The following SUMF1 variants were observed in gnomAD, a reference collection of about 807,000 sequenced individuals.
SUMF1 encodes formylglycine-generating enzyme.
In SUMF1, 48 loss-of-function variants were observed where a neutral mutation model predicts 47.6. That is an observed-to-expected ratio of 1.01 (90% confidence interval 0.80 to 1.28). SUMF1 has a LOEUF of 1.28. Ranked by LOEUF, SUMF1 falls within the 50% of genes most tolerant of loss-of-function variation. The pLI is 0.00. For synonymous variants in SUMF1, 230 were observed against 192.1 expected, an observed-to-expected ratio of 1.20 and a Z score of -1.63; for missense variants, 571 against 485.4, an observed-to-expected ratio of 1.18 and a Z score of -1.66.
chr3:4,211,800 G>A (rs936156879), intron 8 of SUMF1, among the ~76,000 whole-genome samples: 2 of 152,182 alleles, frequency 1.3e-5, no homozygotes, highest in Non-Finnish European at 2.9e-5. Context: ...TATGCTCATA[G>A]TGTAAACAAA....
intron 9 of SUMF1, among the ~76,000 whole-genome samples, chr3:4,056,239 A>G (rs1415489601): frequency 6.6e-6 from 1 of 152,186 alleles, no homozygotes; most frequent in African/African-American, 2.4e-5. Flanking sequence ...CTGATCCCAA[A>G]AGATTCACAC....
chr3:4,188,816 T>C (rs534530448), intron 8 of SUMF1, among the ~76,000 whole-genome samples: 2 of 152,338 alleles, frequency 1.3e-5, no homozygotes, highest in South Asian at 4.1e-4. Context: ...ACATTTTGAA[T>C]AGTGCCTTGT....
At chr3:4,265,643 G>C (rs1426595653) in intron 8 of SUMF1, among the ~76,000 whole-genome samples, 1 of 151,752 alleles carries the variant, frequency 6.6e-6, no homozygotes, top group Admixed American at 6.6e-5. Context: ...TTTGTCAGAT[G>C]AGTAGGTTGC....
chr3:4,142,833 T>G (rs1685278303), intron 8 of SUMF1, among the ~76,000 whole-genome samples: 1 of 152,062 alleles, frequency 6.6e-6, no homozygotes, highest in South Asian at 2.1e-4. Flanking sequence ...AAGCCATCCA[T>G]GGACTCCAGG....
intron 8 of SUMF1, among the ~76,000 whole-genome samples, chr3:4,330,105 T>C (rs561205176): frequency 6.6e-6 from 1 of 152,310 alleles, no homozygotes; most frequent in East Asian, 1.9e-4. Flanking sequence ...GCCTGGACTT[T>C]ATTGTTCATA....
intron 8 of SUMF1, among the ~76,000 whole-genome samples, chr3:4,087,158 G>T (rs1242824802): frequency 1.3e-5 from 2 of 152,152 alleles, no homozygotes; most frequent in Admixed American, 1.3e-4. Context: ...TAAAGGTACT[G>T]GAAAGCCAAC....
At chr3:4,342,703 G>A (rs898742819) in intron 8 of SUMF1, among the ~76,000 whole-genome samples, 1 of 152,086 alleles carries the variant, frequency 6.6e-6, no homozygotes, top group Non-Finnish European at 1.5e-5. Flanking sequence ...TTATGTCAAG[G>A]GAGCATTTTT....
rs941927726 is a variant in SUMF1, at chr3:4,141,654, T to A, written c.1015-72909A>T. Among the ~76,000 whole-genome samples, 2 of 151,976 alleles carry A rather than the reference T, an allele frequency of 1.3e-5. 1 individual carries two copies. Among genetic ancestry groups the A allele is most frequent in the Non-Finnish European group, 2.9e-5 (2 of 68,016 alleles). Reference sequence around the variant, plus strand: ...CTCTACCCTGGGCAACAGAGCAAGATCCTGCTTCAAAGCCTCAAACAAACA... The same window carrying A: ...CTCTACCCTGGGCAACAGAGCAAGAACCTGCTTCAAAGCCTCAAACAAACA... On this transcript the variant is annotated intron_variant and NMD_transcript_variant, in intron 8 of 12. Coordinates refer to the SUMF1 transcript ENST00000448413.
intron 9 of SUMF1, among the ~76,000 whole-genome samples, chr3:4,034,891 G>A (rs1177782154): frequency 6.6e-6 from 1 of 151,854 alleles, no homozygotes; most frequent in Non-Finnish European, 1.5e-5. Flanking sequence ...GACTAAACTT[G>A]ACAATGAGAT....
At chr3:4,225,403 T>A (rs572171080) in intron 8 of SUMF1, among the ~76,000 whole-genome samples, 2 of 152,278 alleles carry the variant, frequency 1.3e-5, no homozygotes, top group African/African-American at 4.8e-5. Context: ...CTATTACTGT[T>A]TAAGCATTCA....
chr3:4,319,022 A>G (rs898702493), intron 8 of SUMF1, among the ~76,000 whole-genome samples: 11 of 152,242 alleles, frequency 7.2e-5, no homozygotes, highest in African/African-American at 2.4e-4. Flanking sequence ...GCTCAACATC[A>G]TTTGTCATCA....
chr3:4,231,259 C>G (rs1302158301), intron 8 of SUMF1, among the ~76,000 whole-genome samples: 1 of 152,090 alleles, frequency 6.6e-6, no homozygotes, highest in East Asian at 1.9e-4. Context: ...GTAATCTTAG[C>G]CAGGTCACAT....
chr3:4,333,731 G>A lies in SUMF1; in HGVS notation c.1014+42599C>T, dbSNP rs571861630. ...ATGAGGACTCAGAGCAATGAAGATCGCAAAGAAGAAGGAGGAATAGTGTGG... is the reference window on the plus strand; with the variant it reads ...ATGAGGACTCAGAGCAATGAAGATCACAAAGAAGAAGGAGGAATAGTGTGG... On this transcript the variant is annotated intron_variant and NMD_transcript_variant, in intron 8 of 12. Transcript: ENST00000448413. Among the ~76,000 whole-genome samples the A allele has an allele frequency of 8.5e-5, 13 of 152,188 alleles. No individual in the cohort carries two copies. In the South Asian group the frequency reaches 1.9e-3, roughly 22 times the overall value.
intron 8 of SUMF1, among the ~76,000 whole-genome samples, chr3:4,367,385 T>C (rs559015079): frequency 6.6e-6 from 1 of 152,358 alleles, no homozygotes; most frequent in Non-Finnish European, 1.5e-5. Flanking sequence ...CATTTCGAGC[T>C]TCCCAGCTGC....
chr3:4,100,402 T>A (rs969408245), intron 8 of SUMF1, among the ~76,000 whole-genome samples: 2 of 152,080 alleles, frequency 1.3e-5, no homozygotes, highest in African/African-American at 4.8e-5. Context: ...TACAGTCAAT[T>A]AATTTTCAAC....
intron 8 of SUMF1, among the ~76,000 whole-genome samples, chr3:4,342,892 T>C (rs1199330137): frequency 3.9e-5 from 6 of 152,202 alleles, no homozygotes; most frequent in Non-Finnish European, 7.4e-5. Context: ...TCTTTCCTCT[T>C]TCTCCTACAG....
intron 8 of SUMF1, among the ~76,000 whole-genome samples, chr3:4,258,338 G>T (rs879320575): frequency 9.7e-4 from 141 of 145,338 alleles, no homozygotes; most frequent in Non-Finnish European, 9.0e-4. Context: ...CTACAAAATG[G>T]GAGAAAATTT....
chr3:4,247,393 T>A (rs576066428), intron 8 of SUMF1, among the ~76,000 whole-genome samples: 3 of 152,222 alleles, frequency 2.0e-5, no homozygotes, highest in African/African-American at 4.8e-5. Flanking sequence ...ATATTACCAA[T>A]AAACATTTCT....
chr3:4,231,658 C>T (rs889963216), intron 8 of SUMF1, among the ~76,000 whole-genome samples: 17 of 152,140 alleles, frequency 1.1e-4, no homozygotes, highest in African/African-American at 4.1e-4. Context: ...GGCAGAACAG[C>T]CTTCTGTTAA....
Sources: gnomAD v4.1 joint callset for allele counts (sites outside exome capture counted in the v4.1 genomes callset) on GRCh38, gnomAD v4.1.1 for gene constraint, MANE v1.5 for transcripts, NCBI Gene and HGNC (gene_info 2026-07-23, HGNC 2026-07-21) for gene names.